BRSK2: variants seen among roughly 807,000 people sequenced by gnomAD.
The protein encoded by BRSK2 is BR serine/threonine kinase 2.
In BRSK2, 19 loss-of-function variants were observed where a neutral mutation model predicts 83.3. That is an observed-to-expected ratio of 0.23 (90% CI 0.16 to 0.33). The LOEUF is 0.33. BRSK2 is among the 10% of genes least tolerant of loss of function. The pLI is 1.00. For synonymous variants in BRSK2, 519 were observed against 435.4 expected (o/e 1.19, Z -2.39); for missense variants, 798 against 1,042.3 (o/e 0.77, Z 3.23).
intron 19 of BRSK2, among the ~76,000 whole-genome samples, chr11:1,460,288 C>G (rs865821330): frequency 4.6e-5 from 7 of 152,248 alleles, no homozygotes; most frequent in African/African-American, 1.7e-4. Flanking sequence ...GGGCCCCTGC[C>G]GGCCGCCGCC....
intron 1 of BRSK2, among the ~76,000 whole-genome samples, chr11:1,415,778 C>T (rs1199399487): frequency 1.2e-5 from 1 of 81,588 alleles, no homozygotes; most frequent in Middle Eastern, 0.011. Context: ...ACGGTGGTCC[C>T]AGCAGAGGAC....
intron 1 of BRSK2, among the ~76,000 whole-genome samples, chr11:1,428,254 C>T (rs1340171978): frequency 1.3e-5 from 2 of 152,156 alleles, no homozygotes; most frequent in Non-Finnish European, 2.9e-5. Context: ...TCCTCTGTGA[C>T]TCTGTTGCTA....
intron 19 of BRSK2, among the ~76,000 whole-genome samples, chr11:1,460,292 C>T (rs569099129): frequency 7.9e-5 from 12 of 152,264 alleles, no homozygotes; most frequent in African/African-American, 2.6e-4. Context: ...CCCTGCCGGC[C>T]GCCGCCTGCC....
Position 1,456,482 on chromosome 11 carries a change from G to A in BRSK2, c.1803G>A (p.Ala601=), listed in dbSNP as rs368346939. The change falls in exon 17 of 20, where the codon GCG becomes GCA. Residue 601 remains alanine (A), a synonymous_variant. Transcript: ENST00000528841. ...TCACCTACACGGAGGGTGGGGAGGC[G>A]CAGAAGGAGAACGGCATCTACTCCG... is the stretch of plus-strand genomic sequence containing the variant. The part of the protein sequence containing the change: ...VDITYTEGGE[A]QKENGIYSVT... 3.1e-5 allele frequency: 49 copies of A among 1,575,280 alleles called. No homozygotes were observed. Among genetic ancestry groups the A allele is most frequent in the Admixed American group, 1.6e-4 (9 of 55,428 alleles).
rs1215645910 is a variant in BRSK2, at chr11:1,461,920, G to A, written c.*1197G>A. 2 of 152,046 alleles carry A rather than the reference G, an allele frequency of 1.3e-5. No homozygotes were observed. Among genetic ancestry groups the A allele is most frequent in the Non-Finnish European group, 2.9e-5 (2 of 68,002 alleles). The allele number at this position is 152,046 out of a possible 1,614,324, so 9.4% of individuals were successfully genotyped here. A position where few individuals can be genotyped will look rare whatever the true frequency, so the allele number is the denominator to read the frequency against. Reference sequence around the variant, plus strand: ...GTGGAGAAGCAGCTCCACCTCTGGGGGGGCTCGGGGCAGAGGGGCGGTGTC... The same window carrying A: ...GTGGAGAAGCAGCTCCACCTCTGGGAGGGCTCGGGGCAGAGGGGCGGTGTC... On this transcript the variant is annotated 3_prime_UTR_variant, in exon 20 of 20. Transcript: ENST00000528841.
intron 1 of BRSK2, chr11:1,411,326 G>A: frequency 1.5e-6 from 2 of 1,363,512 alleles, no homozygotes; most frequent in Non-Finnish European, 1.9e-6. Flanking sequence ...CTGAAGCTGG[G>A]GCCGGAGCAG....
intron 8 of BRSK2, 29 bp downstream of exon 8, chr11:1,443,664 A>G: frequency 1.4e-6 from 2 of 1,476,586 alleles, no homozygotes; most frequent in Non-Finnish European, 1.8e-6. Context: ...GGGCGGCCCC[A>G]GAGCGTGGCG....
At chr11:1,408,047 G>C (rs1342089185) in intron 1 of BRSK2, among the ~76,000 whole-genome samples, 1 of 152,196 alleles carries the variant, frequency 6.6e-6, no homozygotes, top group Non-Finnish European at 1.5e-5. Flanking sequence ...CTGGTCCCAG[G>C]TCCTTCCACT....
intron 6 of BRSK2, 92 bp downstream of exon 6, chr11:1,443,231 C>T (rs1851597821): frequency 1.3e-6 from 2 of 1,517,030 alleles, no homozygotes; most frequent in South Asian, 1.2e-5. Flanking sequence ...CCCCCAGGTG[C>T]TGCTAGGCTG....
intron 1 of BRSK2, among the ~76,000 whole-genome samples, chr11:1,393,197 T>C (rs893891417): frequency 1.2e-4 from 19 of 152,302 alleles, no homozygotes; most frequent in African/African-American, 4.6e-4. Context: ...AGTTGGAGCA[T>C]GCAGGTCCAG....
rs1186895191 is a variant in BRSK2 at position 1,442,619 on chromosome 11, C to T, written c.530+13C>T. 4 of 1,598,068 alleles carry T rather than the reference C, an allele frequency of 2.5e-6. No individual in the cohort carries two copies. The South Asian group carries it at 4.4e-5, about 18-fold the overall frequency. On this transcript the variant is annotated intron_variant, in intron 5 of 19. Coordinates refer to ENST00000528841, the MANE Select transcript of BRSK2 (RefSeq NM_001256627.2). ...AGACCAGCTGTGGGTACGTGGCCCT[C>T]TGCCCTGGAGAGAGGCTGGGGGACA...
At chr11:1,434,246 C>A (rs966377874) in intron 1 of BRSK2, among the ~76,000 whole-genome samples, 1 of 152,222 alleles carries the variant, frequency 6.6e-6, no homozygotes, top group African/African-American at 2.4e-5. Context: ...AGCGCGTGCA[C>A]GGAAGGATGG....
intron 18 of BRSK2, among the ~76,000 whole-genome samples, chr11:1,458,631 G>A (rs1846969099): frequency 6.6e-6 from 1 of 152,320 alleles, no homozygotes; most frequent in South Asian, 2.1e-4. Flanking sequence ...ACCAGGGCGT[G>A]TGTCCACCCT....
At chr11:1,426,182 A>G (rs936160876) in intron 1 of BRSK2, among the ~76,000 whole-genome samples, 10 of 151,968 alleles carry the variant, frequency 6.6e-5, no homozygotes, top group East Asian at 5.8e-4. Flanking sequence ...CGTGGCCATC[A>G]GGGCCTGGAT....
intron 1 of BRSK2, among the ~76,000 whole-genome samples, chr11:1,400,925 G>C (rs896410751): frequency 6.6e-6 from 1 of 152,250 alleles, no homozygotes; most frequent in Non-Finnish European, 1.5e-5. Context: ...TGCCGGCGGC[G>C]GGGCCGTGTG....
chr11:1,409,151 C>A (rs566703220), intron 1 of BRSK2, among the ~76,000 whole-genome samples: 4 of 152,190 alleles, frequency 2.6e-5, no homozygotes, highest in Non-Finnish European at 5.9e-5. Context: ...TTCCTCAGGG[C>A]CTGCATTTCC....
Position 1,454,283 on chromosome 11 carries a change from A to T in BRSK2, c.1545-202A>T. On this transcript the variant is annotated intron_variant, in intron 15 of 19. Transcript: ENST00000528841. This position sits in a 1 kb window ranked among gnomAD's most constrained non-coding sequence, Gnocchi z 5.2. ...AGGTTAGGGTTGGGGTTGGGGTTAG[A>T]GCCACGGTGATGGTCAGGGCATATG... 1 of 575,344 alleles carries T rather than the reference A, an allele frequency of 1.7e-6. No individual in the cohort carries two copies. Among genetic ancestry groups the T allele is most frequent in the Non-Finnish European group, 3.1e-6 (1 of 327,210 alleles). The allele number at this position is 575,344 out of a possible 1,614,324, so 35.6% of individuals were successfully genotyped here.
At chr11:1,451,519 C>T in intron 15 of BRSK2, 100 bp downstream of exon 15, 1 of 1,222,466 alleles carries the variant, frequency 8.2e-7, no homozygotes, top group South Asian at 1.2e-5. Context: ...TGCTCCTTCT[C>T]CACGTGGCCC....
At chr11:1,457,647 T>TG (rs35759915) in intron 18 of BRSK2, among the ~76,000 whole-genome samples, 2 of 152,030 alleles carry the variant, frequency 1.3e-5, no homozygotes, top group Admixed American at 6.5e-5. Context: ...GGCTGGACCC[T>TG]GGGGGTCCCC....
Sources: allele counts gnomAD v4.1 joint callset (sites outside exome capture counted in the v4.1 genomes callset), GRCh38; gene constraint gnomAD v4.1.1; non-coding constraint Gnocchi (gnomAD v3.1); transcripts MANE v1.5; gene names NCBI Gene and HGNC (gene_info 2026-07-23, HGNC 2026-07-21).